KMT2E: variants seen among roughly 807,000 people sequenced by gnomAD.
KMT2E encodes lysine methyltransferase 2E (inactive), also known as histone reader KMT2E.
A neutral mutation model predicts 184.6 loss-of-function variants in KMT2E; 30 were observed. The ratio of observed to expected loss-of-function variants is 0.16; its 90% CI spans 0.12 to 0.22. The LOEUF is 0.22. Among genes scored for constraint, KMT2E ranks in the 10% least tolerant of loss-of-function variants. KMT2E has a pLI of 1.00. For missense variants in KMT2E, 2,023 were observed against 2,237.4 expected, an observed-to-expected ratio of 0.90 and a Z score of 1.93; for synonymous variants, 815 against 776.5, an observed-to-expected ratio of 1.05 and a Z score of -0.82.
intron 15 of KMT2E, 136 bp downstream of exon 15, chr7:105,091,450 T>G (rs1798202298): frequency 1.5e-6 from 1 of 677,416 alleles, no homozygotes; most frequent in Admixed American, 2.5e-5. Flanking sequence ...TTATTTGGTT[T>G]GGTCATTGCC....
At chr7:105,057,605 C>T (rs1244635261) in intron 3 of KMT2E, among the ~76,000 whole-genome samples, 1 of 152,020 alleles carries the variant, frequency 6.6e-6, no homozygotes, top group Non-Finnish European at 1.5e-5. Flanking sequence ...GTGTGAGCCA[C>T]CATGCCCAGC....
chr7:105,076,030 A>G lies in KMT2E; in HGVS notation c.730-13A>G, dbSNP rs752936136. The stretch of plus-strand genomic sequence containing the variant: ...TTTTTAGGAAACTAACTAGAATTCC[A>G]TGTTTATTTTAGGCATTTCGTGAAG... On this transcript the variant is annotated splice_polypyrimidine_tract_variant and intron_variant, in intron 8 of 26. Transcript: ENST00000311117. 8 of 1,580,990 alleles carry G rather than the reference A, an allele frequency of 5.1e-6. No homozygotes were observed. Among genetic ancestry groups the G allele is most frequent in the South Asian group, 1.1e-5 (1 of 89,934 alleles).
intron 20 of KMT2E, 102 bp downstream of exon 20, chr7:105,106,874 C>A: frequency 1.4e-5 from 16 of 1,143,958 alleles, no homozygotes; most frequent in African/African-American, 4.7e-5. Flanking sequence ...GCTGAGAATA[C>A]AAAAAAAAGG....
intron 3 of KMT2E, among the ~76,000 whole-genome samples, chr7:105,044,265 G>C (rs1796007628): frequency 6.6e-6 from 1 of 151,918 alleles, no homozygotes; most frequent in Non-Finnish European, 1.5e-5. Flanking sequence ...TTGTAACATA[G>C]GCTGTTTGCT....
At position 105,114,259 on chromosome 7, in the gene KMT2E, G is replaced by A. The variant is rs1485493821; in HGVS notation, c.*926G>A. On this transcript the variant is annotated 3_prime_UTR_variant, in exon 27 of 27. Transcript: ENST00000311117. ...GGTTTCTGTTTGCATTTTTGCAGGAGCCATAGGAAACTACTGAAATGATTG... is the reference window on the plus strand; with the variant it reads ...GGTTTCTGTTTGCATTTTTGCAGGAACCATAGGAAACTACTGAAATGATTG... The A allele has an allele frequency of 6.6e-6, 1 of 152,180 alleles. No individual in the cohort carries two copies. Among genetic ancestry groups the A allele is most frequent in the Non-Finnish European group, 1.5e-5 (1 of 68,034 alleles). 9.4% of individuals were successfully genotyped at this position (152,180 alleles called of 1,614,324 possible).
chr7:105,055,643 C>G (rs900501247), intron 3 of KMT2E, among the ~76,000 whole-genome samples: 1 of 152,208 alleles, frequency 6.6e-6, no homozygotes, highest in Non-Finnish European at 1.5e-5. Context: ...GGTAATTGTG[C>G]TGCTGGTTGT....
At chr7:105,021,179 A>AG (rs1794935952) in intron 1 of KMT2E, among the ~76,000 whole-genome samples, 1 of 152,242 alleles carries the variant, frequency 6.6e-6, no homozygotes, top group Admixed American at 6.5e-5. Context: ...AGCCATAAAT[A>AG]GGGGTCTCAG....
intron 3 of KMT2E, among the ~76,000 whole-genome samples, chr7:105,061,682 A>G (rs1252707608): frequency 1.3e-5 from 2 of 151,984 alleles, no homozygotes; most frequent in African/African-American, 4.8e-5. Context: ...GAAACTTCCT[A>G]TTACTTAAGT....
chr7:105,059,785 T>C (rs1490892117), intron 3 of KMT2E, among the ~76,000 whole-genome samples: 1 of 151,996 alleles, frequency 6.6e-6, no homozygotes, highest in African/African-American at 2.4e-5. Flanking sequence ...GAAAGATACA[T>C]GGCAATATTA....
At chr7:105,020,547 T>C (rs527801260) in intron 1 of KMT2E, among the ~76,000 whole-genome samples, 79 of 152,326 alleles carry the variant, frequency 5.2e-4, no homozygotes, top group Middle Eastern at 3.4e-3. Context: ...ATCGTGCCAG[T>C]GCACTTCAGC....
chr7:105,080,461 C>A (rs1797719264), intron 12 of KMT2E, among the ~76,000 whole-genome samples: 1 of 151,564 alleles, frequency 6.6e-6, no homozygotes, highest in Non-Finnish European at 1.5e-5. Context: ...CCTGGAACTC[C>A]TGGGCTCAAG....
rs762181569 is a variant in KMT2E at position 105,018,539 on chromosome 7, A to G, written c.-189+4004A>G. 6.6e-5 allele frequency among the ~76,000 whole-genome samples: 10 copies of G among 152,306 alleles called. No individual in the cohort carries two copies. The South Asian group carries it at 1.2e-3, about 19-fold the overall frequency. On this transcript the variant is annotated intron_variant, in intron 1 of 26. Coordinates refer to ENST00000311117, the MANE Select transcript of KMT2E (RefSeq NM_182931.3). ...TTATGTGTTAGAATAAATGTTAAAT[A>G]CTTGTATTCTGTGAGACTTGTTTCC...
At chr7:105,101,612 T>C (rs377251242) in intron 16 of KMT2E, 23 bp downstream of exon 16, 29 of 1,500,938 alleles carry the variant, frequency 1.9e-5, no homozygotes, top group Non-Finnish European at 2.0e-5. Context: ...CAGGTCGTTT[T>C]ATTTTCTTAA....
rs760590769 is a variant in KMT2E, at chr7:105,110,887, C to T, written c.4068+19C>T. The T allele has an allele frequency of 3.8e-5, 59 of 1,550,580 alleles. No homozygotes were observed. Among genetic ancestry groups the T allele is most frequent in the African/African-American group, 1.2e-4 (9 of 73,588 alleles). On this transcript the variant is annotated intron_variant, in intron 26 of 26. Transcript: ENST00000311117. ...GAGCAAGGTAATAACATTGACCTTT[C>T]GATGGGTTCCAAAGGACTTTAGGTT...
chr7:105,066,570 G>A (rs777926697), intron 5 of KMT2E, among the ~76,000 whole-genome samples, 157 bp from the exon 6 acceptor site: 5 of 151,580 alleles, frequency 3.3e-5, no homozygotes, highest in Non-Finnish European at 7.4e-5. Flanking sequence ...AAATTTTATC[G>A]CCTTGAAGAC....
At chr7:105,050,581 A>T (rs1796287414) in intron 3 of KMT2E, among the ~76,000 whole-genome samples, 2 of 145,916 alleles carry the variant, frequency 1.4e-5, no homozygotes, top group Non-Finnish European at 3.1e-5. Context: ...CCAACTATCT[A>T]CTTTTGGTTA....
Position 105,063,442 on chromosome 7 carries a change from C to T in KMT2E, c.278C>T (p.Thr93Ile). The T allele has an allele frequency of 6.2e-7, 1 of 1,613,822 alleles. No homozygotes were observed. Among genetic ancestry groups the T allele is most frequent in the Non-Finnish European group, 8.5e-7 (1 of 1,179,814 alleles). Reference protein sequence around the residue: ...LISKNEVGIFTTPNFDETSSA... With the variant: ...LISKNEVGIFITPNFDETSSA... ...AGCAAAAATGAAGTAGGCATATTTA[C>T]CACTCCTAATTTTGATGAAACTTCC... is the stretch of plus-strand genomic sequence containing the variant. Residue 93 changes from threonine to isoleucine, a missense_variant, in exon 5 of 27, where the codon ACC (threonine) becomes ATC (isoleucine). Physicochemically the swap from Thr to Ile is moderately conservative, Grantham distance 89. This residue lies in a region of KMT2E where 48 missense variants were observed against 51.5 expected (regional missense o/e 0.93). Transcript: ENST00000311117.
rs918127574 is a variant in KMT2E, at chr7:105,062,087, C to G, written c.72-77C>G. On this transcript the variant is annotated intron_variant, in intron 3 of 26. Coordinates refer to ENST00000311117, the MANE Select transcript of KMT2E (RefSeq NM_182931.3). ...TATAGCCATTATTTTGCTGTAAGTA[C>G]TTTATCATTTTAATTAAATTGATTA... 27 of 939,412 alleles carry G rather than the reference C, an allele frequency of 2.9e-5. No individual in the cohort carries two copies. The African/African-American group carries it at 3.3e-4, about 11-fold the overall frequency. The allele number at this position is 939,412 out of a possible 1,614,324, so 58.2% of individuals were successfully genotyped here.
Position 105,102,113 on chromosome 7 carries a change from A to C in KMT2E, c.2115A>C (p.Glu705Asp). The change falls in exon 17 of 27, where the codon GAA (glutamate) becomes GAC (aspartate). Residue 705 changes from glutamate to aspartate, a missense_variant. Around this residue, in one of 8 missense-constraint regions of KMT2E, gnomAD observed 514 missense variants for 621.8 expected, o/e 0.83. Transcript: ENST00000311117. ...TACTTACAATAGAACCAGAAACTGA[A>C]ACTGCACTAGCAGAAATAATTACTG... ...NTVLTIEPET[E>D]TALAEIITET... is the part of the protein sequence containing the mutation. 1 of 1,613,258 alleles carries C rather than the reference A, an allele frequency of 6.2e-7. No individual in the cohort carries two copies. Among genetic ancestry groups the C allele is most frequent in the East Asian group, 2.2e-5 (1 of 44,860 alleles).
Sources: allele counts gnomAD v4.1 joint callset (sites outside exome capture counted in the v4.1 genomes callset), GRCh38; gene constraint gnomAD v4.1.1; regional missense constraint gnomAD v4.1.1; transcripts MANE v1.5; gene names NCBI Gene and HGNC (gene_info 2026-07-23, HGNC 2026-07-21).